DMXL1: variants seen among roughly 807,000 people sequenced by gnomAD.
The protein encoded by DMXL1 is Dmx like 1, also known as dmX-like protein 1.
Under a neutral mutation model 319.2 loss-of-function variants are expected in DMXL1, and 99 were observed. That is an observed-to-expected ratio of 0.31 (90% CI 0.26 to 0.37). The LOEUF is 0.37. DMXL1 is among the 10% of genes least tolerant of loss of function. DMXL1 has a pLI of 1.00. For missense variants in DMXL1, 3,745 were observed against 3,595.6 expected, an observed-to-expected ratio of 1.04 and a Z score of -1.06; for synonymous variants, 1,385 against 1,235.2, an observed-to-expected ratio of 1.12 and a Z score of -2.54.
intron 9 of DMXL1, among the ~76,000 whole-genome samples, chr5:119,125,626 G>T (rs1282516701): frequency 6.6e-6 from 1 of 152,120 alleles, no homozygotes; most frequent in Non-Finnish European, 1.5e-5. Flanking sequence ...GTGCAATGGT[G>T]TGATCTCGGC....
chr5:119,092,717 T>G (rs1299106929), intron 1 of DMXL1, among the ~76,000 whole-genome samples: 1 of 152,208 alleles, frequency 6.6e-6, no homozygotes, highest in African/African-American at 2.4e-5. Flanking sequence ...TTTGCTTATT[T>G]GCACCAACTG....
chr5:119,245,688 C>T (rs1453454157), intron 43 of DMXL1, among the ~76,000 whole-genome samples: 10 of 151,822 alleles, frequency 6.6e-5, no homozygotes, highest in Non-Finnish European at 1.0e-4. Flanking sequence ...TACAGGCGTG[C>T]GCCACTACAC....
chr5:119,148,197 G>A (rs935711955), intron 17 of DMXL1, among the ~76,000 whole-genome samples: 2 of 152,020 alleles, frequency 1.3e-5, no homozygotes, highest in Admixed American at 1.3e-4. Flanking sequence ...AATCATGAAG[G>A]GCCCTGTAAA....
In DMXL1 at chr5:119,248,318, ATATTT is replaced by A. The variant is rs1156851232; in HGVS notation, c.*1106_*1110del. 1 of 152,464 alleles carries A rather than the reference ATATTT, an allele frequency of 6.6e-6. No homozygotes were observed. The highest frequency in any genetic ancestry group is 1.9e-4 in the East Asian group (1 of 5,200). 9.4% of individuals were successfully genotyped at this position (152,464 alleles called of 1,614,324 possible). A position where few individuals can be genotyped will look rare whatever the true frequency, so the allele number is the denominator to read the frequency against. ...ATTAATAGAAAATAAACTAAACCTTATATTTTATTTTTGCCAAAATATTTTATTAT... is the reference window on the plus strand; with the variant it reads ...ATTAATAGAAAATAAACTAAACCTTATATTTTTGCCAAAATATTTTATTAT... On this transcript the variant is annotated 3_prime_UTR_variant, in exon 44 of 44. Coordinates refer to ENST00000539542, the MANE Select transcript of DMXL1 (RefSeq NM_001290321.3).
chr5:119,147,497 A>C, intron 17 of DMXL1, 27 bp downstream of exon 17: 1 of 1,531,954 alleles, frequency 6.5e-7, no homozygotes, highest in Non-Finnish European at 9.0e-7. Context: ...AAAAGAGACT[A>C]ATTTTGTAAC....
chr5:119,239,738 T>G (rs1788408564), intron 41 of DMXL1, among the ~76,000 whole-genome samples: 1 of 152,034 alleles, frequency 6.6e-6, no homozygotes, highest in Non-Finnish European at 1.5e-5. Flanking sequence ...GGCGGATCAC[T>G]TGAGGCCAGG....
At chr5:119,115,487 A>T (rs1760639208) in intron 6 of DMXL1, among the ~76,000 whole-genome samples, 1 of 152,234 alleles carries the variant, frequency 6.6e-6, no homozygotes, top group East Asian at 1.9e-4. Flanking sequence ...GGCTCAAAGC[A>T]TTCTGCAAAC....
At chr5:119,152,119 C>T (rs1179761958) in intron 19 of DMXL1, 83 bp downstream of exon 19, 2 of 857,470 alleles carry the variant, frequency 2.3e-6, no homozygotes, top group Non-Finnish European at 3.7e-6. Context: ...TGTTTTTACC[C>T]AAAAATGATA....
At chr5:119,088,830 G>A (rs762916043) in intron 1 of DMXL1, among the ~76,000 whole-genome samples, 3 of 152,002 alleles carry the variant, frequency 2.0e-5, no homozygotes, top group African/African-American at 4.8e-5. Context: ...TATATTGCCT[G>A]TCTCTTAAAA....
intron 37 of DMXL1, 45 bp from the exon 38 acceptor site, chr5:119,224,664 A>C: frequency 1.4e-6 from 1 of 709,500 alleles, no homozygotes. Context: ...TTAAATGTTT[A>C]ATCCTTTTTA....
At chr5:119,164,411 T>G in intron 19 of DMXL1, 96 bp from the exon 20 acceptor site, 3 of 1,134,934 alleles carry the variant, frequency 2.6e-6, no homozygotes, top group Non-Finnish European at 3.7e-6. Context: ...TCATAGAAGT[T>G]TACACATTTA....
At chr5:119,222,501 AAT>A (rs1042371105) in intron 37 of DMXL1, among the ~76,000 whole-genome samples, 11 of 152,198 alleles carry the variant, frequency 7.2e-5, no homozygotes, top group African/African-American at 2.4e-4. Context: ...ACTCAAAGGG[AAT>A]ATATGCCAAA....
chr5:119,145,139 G>A (rs963043201), intron 15 of DMXL1, among the ~76,000 whole-genome samples: 8 of 151,758 alleles, frequency 5.3e-5, no homozygotes, highest in Admixed American at 2.6e-4. Context: ...GTCATCACTT[G>A]CGATTACAGA....
intron 1 of DMXL1, among the ~76,000 whole-genome samples, chr5:119,080,669 T>C (rs756496408): frequency 3.3e-5 from 5 of 152,224 alleles, no homozygotes; most frequent in Non-Finnish European, 5.9e-5. Context: ...CTGTATTTAA[T>C]CATACTTGTC....
chr5:119,145,461 T>G (rs1050594194), intron 15 of DMXL1, among the ~76,000 whole-genome samples: 2 of 151,798 alleles, frequency 1.3e-5, no homozygotes, highest in African/African-American at 4.8e-5. Flanking sequence ...TTTTTAAAAC[T>G]CTGAACATGT....
rs368831293 is a variant in DMXL1 at position 119,071,530 on chromosome 5, G to A, written c.-40G>A. 2.6e-6 allele frequency: 4 copies of A among 1,568,186 alleles called. No homozygotes were observed. In the African/African-American group the frequency reaches 5.4e-5, roughly 21 times the overall value. On this transcript the variant is annotated 5_prime_UTR_variant, in exon 1 of 44. The change abolishes an upstream ATG in the 5' untranslated region. Transcript: ENST00000539542. Reference sequence around the variant, plus strand: ...GGAAGCAGCCGCTGACCCGTGGCATGAGCTGGATGCGGTGTCCGTTGCAGG... The same window carrying A: ...GGAAGCAGCCGCTGACCCGTGGCATAAGCTGGATGCGGTGTCCGTTGCAGG...
chr5:119,096,783 T>C (rs1411252916), intron 1 of DMXL1, among the ~76,000 whole-genome samples: 2 of 152,232 alleles, frequency 1.3e-5, no homozygotes, highest in South Asian at 2.1e-4. Context: ...TCTTGAGCTA[T>C]GTATACTTTC....
chr5:119,240,792 A>G (rs1481595337), intron 42 of DMXL1, among the ~76,000 whole-genome samples: 3 of 152,210 alleles, frequency 2.0e-5, no homozygotes, highest in Admixed American at 2.0e-4. Context: ...TCAACATTGC[A>G]CTGGAATTCC....
intron 7 of DMXL1, among the ~76,000 whole-genome samples, chr5:119,116,797 A>C (rs1760943217): frequency 1.3e-5 from 2 of 152,186 alleles, no homozygotes; most frequent in African/African-American, 4.8e-5. Flanking sequence ...CACCCAGCAT[A>C]TGTGAGGAAA....
Sources: gnomAD v4.1 joint callset for allele counts (sites outside exome capture counted in the v4.1 genomes callset) on GRCh38, gnomAD v4.1.1 for gene constraint, MANE v1.5 for transcripts, NCBI Gene and HGNC (gene_info 2026-07-23, HGNC 2026-07-21) for gene names.